The following CEP170 variants were observed in gnomAD, a reference collection of about 807,000 sequenced individuals.
The protein encoded by CEP170 is centrosomal protein 170.
Under a neutral mutation model 151.9 loss-of-function variants are expected in CEP170, and 21 were observed. The ratio of observed to expected loss-of-function variants is 0.14; its 90% CI spans 0.10 to 0.20. CEP170 has a LOEUF of 0.20. Among genes scored for constraint, CEP170 ranks in the 10% least tolerant of loss-of-function variants. CEP170 has a pLI of 1.00. For missense variants in CEP170, 964 were observed against 1,892.9 expected (o/e 0.51, Z 9.11); for synonymous variants, 356 against 648.8 (o/e 0.55, Z 6.86).
At chr1:243,212,349 A>G (rs1220876631) in intron 3 of CEP170, among the ~76,000 whole-genome samples, 2 of 152,216 alleles carry the variant, frequency 1.3e-5, no homozygotes, top group Non-Finnish European at 2.9e-5. Flanking sequence ...GTCTATGTGT[A>G]AGCATTGACA....
chr1:243,131,676 A>G (rs2054432417), intron 17 of CEP170, among the ~76,000 whole-genome samples: 1 of 152,132 alleles, frequency 6.6e-6, no homozygotes, highest in African/African-American at 2.4e-5. Flanking sequence ...AGACCAGGCT[A>G]TAATGACCAG....
intron 1 of CEP170, among the ~76,000 whole-genome samples, chr1:243,247,620 C>T (rs2065539576): frequency 6.6e-6 from 1 of 152,188 alleles, no homozygotes; most frequent in Admixed American, 6.5e-5. Flanking sequence ...TCCCAAAGTG[C>T]TGGGACTACA....
At chr1:243,213,204 A>G (rs2061974540) in intron 3 of CEP170, among the ~76,000 whole-genome samples, 1 of 152,020 alleles carries the variant, frequency 6.6e-6, no homozygotes, top group Non-Finnish European at 1.5e-5. Flanking sequence ...TGGCTACTGT[A>G]GTGAAAAGCA....
At chr1:243,189,419 G>A (rs907579201) in intron 8 of CEP170, among the ~76,000 whole-genome samples, 26 of 152,032 alleles carry the variant, frequency 1.7e-4, no homozygotes, top group Admixed American at 3.3e-4. Flanking sequence ...AGCCGGGTGT[G>A]GTGGTGGGCG....
chr1:243,218,046 A>T (rs2062462102), intron 3 of CEP170, among the ~76,000 whole-genome samples: 1 of 152,238 alleles, frequency 6.6e-6, no homozygotes, highest in African/African-American at 2.4e-5. Flanking sequence ...CAACTACATG[A>T]CACAATTGAT....
chr1:243,248,978 C>T (rs184462141), intron 1 of CEP170, among the ~76,000 whole-genome samples: 10 of 152,288 alleles, frequency 6.6e-5, no homozygotes, highest in African/African-American at 2.4e-4. Context: ...TGCTTCCTTA[C>T]CTAATGCAAG....
At chr1:243,180,203 T>C (rs1349945952) in intron 10 of CEP170, among the ~76,000 whole-genome samples, 1 of 152,142 alleles carries the variant, frequency 6.6e-6, no homozygotes, top group Non-Finnish European at 1.5e-5. Context: ...GCTTATTAGA[T>C]TGAGGGCACA....
intron 4 of CEP170, among the ~76,000 whole-genome samples, chr1:243,204,835 A>G (rs2061306081): frequency 6.6e-6 from 1 of 152,134 alleles, no homozygotes; most frequent in African/African-American, 2.4e-5. Flanking sequence ...TCAACTTTAC[A>G]TTCAACATGC....
chr1:243,170,017 T>TA, intron 11 of CEP170, among the ~76,000 whole-genome samples: 1 of 152,206 alleles, frequency 6.6e-6, no homozygotes, highest in Non-Finnish European at 1.5e-5. Context: ...ATATGAAAAC[T>TA]GTAATGACAA....
rs753251662 is a variant in CEP170 at position 243,164,326 on chromosome 1, A to G, written c.3634T>C (p.Ser1212Pro). 2.0e-6 allele frequency: 3 copies of G among 1,525,750 alleles called. No homozygotes were observed. Among genetic ancestry groups the G allele is most frequent in the Non-Finnish European group, 2.6e-6 (3 of 1,137,338 alleles). The allele number at this position is 1,525,750 out of a possible 1,614,324, so 94.5% of individuals were successfully genotyped here. A position where few individuals can be genotyped will look rare whatever the true frequency, so the allele number is the denominator to read the frequency against. ...GCTGAGGTCATACTTTTGACCTTGG[A>G]GTCTGAGAGTCGAGAGATACTGTTA... is the stretch of plus-strand genomic sequence containing the variant. ...RANSISRLSD[S>P]KVKSMTSAHG... The change falls in exon 13 of 20, where the codon TCC (serine) becomes CCC (proline). Residue 1212 changes from serine to proline, a missense_variant. Coordinates refer to ENST00000366542, the MANE Select transcript of CEP170 (RefSeq NM_014812.3).
Position 243,191,090 on chromosome 1 carries a change from G to C in CEP170, c.1036C>G (p.Leu346Val), listed in dbSNP as rs775792506. ...WLAQNNPPQM[L>V]WERTEEDSKS... is the part of the protein sequence containing the mutation. ...GAATCCTCTTCTGTTCTTTCCCATAGCATTTGAGGAGGGTTGTTTTGTGCT... is the reference window on the plus strand; with the variant it reads ...GAATCCTCTTCTGTTCTTTCCCATACCATTTGAGGAGGGTTGTTTTGTGCT... Residue 346 changes from leucine to valine, a missense_variant, in exon 8 of 20, where the codon CTA becomes GTA. Transcript: ENST00000366542. 6 of 1,612,874 alleles carry C rather than the reference G, an allele frequency of 3.7e-6. No individual in the cohort carries two copies. In the African/African-American group the frequency reaches 8.0e-5, roughly 22 times the overall value.
chr1:243,218,687 T>TA (rs1301687330), intron 3 of CEP170, among the ~76,000 whole-genome samples: 1 of 152,242 alleles, frequency 6.6e-6, no homozygotes. Context: ...TACAGGTTGC[T>TA]AAACTTGTCT....
intron 17 of CEP170, among the ~76,000 whole-genome samples, chr1:243,133,153 T>C (rs1020744818): frequency 2.2e-4 from 34 of 152,266 alleles, no homozygotes; most frequent in Non-Finnish European, 7.3e-5. Flanking sequence ...ATTCAGGACT[T>C]AAATTGCATG....
At chr1:243,226,018 T>C (rs1446423445) in intron 1 of CEP170, among the ~76,000 whole-genome samples, 1 of 143,072 alleles carries the variant, frequency 7.0e-6, no homozygotes, top group Non-Finnish European at 1.5e-5. Context: ...TAGATATATA[T>C]ACACACGTAT....
intron 10 of CEP170, among the ~76,000 whole-genome samples, chr1:243,173,692 C>A (rs1467621264): frequency 6.7e-6 from 1 of 149,456 alleles, no homozygotes; most frequent in Non-Finnish European, 1.5e-5. Context: ...GCTGAGATCA[C>A]GCCACTGCAT....
chr1:243,238,157 C>T (rs531118862), intron 1 of CEP170, among the ~76,000 whole-genome samples: 42 of 152,022 alleles, frequency 2.8e-4, no homozygotes, highest in Non-Finnish European at 5.4e-4. Flanking sequence ...CAAGAATTCT[C>T]TTAAGGGAGG....
At chr1:243,158,351 C>G (rs1284491947) in intron 13 of CEP170, among the ~76,000 whole-genome samples, 1 of 152,066 alleles carries the variant, frequency 6.6e-6, no homozygotes, top group East Asian at 1.9e-4. Context: ...GATGAGGCAA[C>G]TATGGTCACT....
chr1:243,205,383 T>A (rs2061340662), intron 4 of CEP170, among the ~76,000 whole-genome samples: 1 of 152,138 alleles, frequency 6.6e-6, no homozygotes, highest in African/African-American at 2.4e-5. Flanking sequence ...AGATAGTAAA[T>A]CTTTCAGGTT....
At chr1:243,201,912 T>A (rs1383809839) in intron 4 of CEP170, among the ~76,000 whole-genome samples, 1 of 152,162 alleles carries the variant, frequency 6.6e-6, no homozygotes, top group Non-Finnish European at 1.5e-5. Context: ...CCTATAGCTT[T>A]GAAATATTAA....
Sources: allele counts gnomAD v4.1 joint callset (sites outside exome capture counted in the v4.1 genomes callset), GRCh38; gene constraint gnomAD v4.1.1; transcripts MANE v1.5; gene names NCBI Gene and HGNC (gene_info 2026-07-23, HGNC 2026-07-21).